IRAK2: variants seen among roughly 807,000 people sequenced by gnomAD.
IRAK2 encodes interleukin-1 receptor-associated kinase-like 2.
A neutral mutation model predicts 72.0 loss-of-function variants in IRAK2; 57 were observed. The observed-to-expected ratio is 0.79, with a 90% CI of 0.64 to 0.99. IRAK2 has a LOEUF of 0.99. Ranked by LOEUF, IRAK2 falls within the 50% of genes least tolerant of loss-of-function variation. The pLI, the probability that IRAK2 is intolerant of heterozygous loss-of-function variation, is 0.00. For synonymous variants in IRAK2, 293 were observed against 312.7 expected (o/e 0.94, Z 0.67); for missense variants, 790 against 794.4 (o/e 0.99, Z 0.07).
chr3:10,169,127 G>T (rs551565103), intron 1 of IRAK2, among the ~76,000 whole-genome samples: 14 of 152,132 alleles, frequency 9.2e-5, no homozygotes, highest in Admixed American at 4.6e-4. Context: ...GATTTCAAAA[G>T]GGGAGGGGTG....
At chr3:10,200,158 G>T (rs965862080) in intron 2 of IRAK2, among the ~76,000 whole-genome samples, 2 of 152,122 alleles carry the variant, frequency 1.3e-5, no homozygotes, top group African/African-American at 4.8e-5. Flanking sequence ...AAAGTGCTGG[G>T]ATTACAGGTG....
At chr3:10,223,359 C>G (rs770737210) in intron 9 of IRAK2, among the ~76,000 whole-genome samples, 126 of 152,190 alleles carry the variant, frequency 8.3e-4, no homozygotes, top group Non-Finnish European at 2.6e-4. Flanking sequence ...CACCACCATC[C>G]TTGTCTGCCA....
intron 3 of IRAK2, among the ~76,000 whole-genome samples, chr3:10,208,790 G>T (rs1697472387): frequency 6.6e-6 from 1 of 151,668 alleles, no homozygotes; most frequent in South Asian, 2.1e-4. Context: ...AAAATCTTTT[G>T]TAGAAACGGG....
rs544147698 is a variant in IRAK2 at position 10,219,742 on chromosome 3, C to T, written c.966C>T (p.Ala322=). The T allele has an allele frequency of 2.0e-5, 33 of 1,613,778 alleles. No individual in the cohort carries two copies. Among genetic ancestry groups the T allele is most frequent in the Admixed American group, 8.3e-5 (5 of 59,986 alleles). The change falls in exon 8 of 13, where the codon GCC becomes GCT. Residue 322 remains alanine (A), a synonymous_variant. Transcript: ENST00000256458. ...RVSICSGLLC[A]VEYLHGLEII... ...GCATCTGCTCAGGGCTGCTCTGTGC[C>T]GTCGAGTACCTGCATGGTCTGGAGA...
At chr3:10,210,120 C>T (rs1280516559) in intron 4 of IRAK2, among the ~76,000 whole-genome samples, 1 of 152,118 alleles carries the variant, frequency 6.6e-6, no homozygotes, top group Non-Finnish European at 1.5e-5. Flanking sequence ...GGGGTCTCAC[C>T]ATGTTGGCCA....
intron 11 of IRAK2, among the ~76,000 whole-genome samples, chr3:10,237,903 C>T (rs909347525): frequency 6.9e-6 from 1 of 145,678 alleles, no homozygotes. Flanking sequence ...ATTGTTATTA[C>T]GGGTATAAGG....
chr3:10,195,153 C>T (rs9863654), intron 2 of IRAK2, among the ~76,000 whole-genome samples: 258 of 152,342 alleles, frequency 1.7e-3, no homozygotes, highest in African/African-American at 5.9e-3. Flanking sequence ...ATCTTCCCCA[C>T]GGGTGGAGCC....
chr3:10,197,950 A>G (rs896098402), intron 2 of IRAK2, among the ~76,000 whole-genome samples: 29 of 151,260 alleles, frequency 1.9e-4, no homozygotes, highest in African/African-American at 6.8e-4. Context: ...CTGTAATCCC[A>G]GCACTTTGGG....
rs530449326 is a variant in IRAK2 at position 10,204,231 on chromosome 3, G to A, written c.424+3716G>A. ...TATTGCTCTTTTTACATTTGAGAAA[G>A]CTCAGATAAGTGAGGCACAGCTCAT... is the stretch of plus-strand genomic sequence containing the variant. On this transcript the variant is annotated intron_variant, in intron 3 of 12. Transcript: ENST00000256458. Among the ~76,000 whole-genome samples, 7 of 152,338 alleles carry A rather than the reference G, an allele frequency of 4.6e-5. No homozygotes were observed. In the South Asian group the frequency reaches 1.2e-3, roughly 27 times the overall value.
intron 6 of IRAK2, among the ~76,000 whole-genome samples, chr3:10,214,391 C>CTTTTTTT (rs534445139): frequency 8.4e-5 from 8 of 95,410 alleles, no homozygotes; most frequent in East Asian, 2.8e-4. Context: ...TCATTTTTTG[C>CTTTTTTT]TTTTTTTTTT....
intron 8 of IRAK2, 60 bp downstream of exon 8, chr3:10,219,849 A>G (rs1255326475): frequency 2.5e-6 from 3 of 1,194,602 alleles, no homozygotes; most frequent in Non-Finnish European, 3.7e-6. Flanking sequence ...ACTGGTGCCT[A>G]TTCCTGGCTC....
At position 10,240,778 on chromosome 3, in the gene IRAK2, T is replaced by C. The variant is rs1698046028; in HGVS notation, c.1766-1338T>C. 4.6e-5 allele frequency among the ~76,000 whole-genome samples: 7 copies of C among 151,332 alleles called. No individual in the cohort carries two copies. In the South Asian group the frequency reaches 1.3e-3, roughly 27 times the overall value. On this transcript the variant is annotated intron_variant, in intron 12 of 12. Coordinates refer to ENST00000256458, the MANE Select transcript of IRAK2 (RefSeq NM_001570.4). ...TTCTCCATGTTGGTCAGGCTGGTCT[T>C]GAACTCCCAACCTCAGGTGATCCGC...
chr3:10,242,006 C>A (rs2125167511), intron 12 of IRAK2, 110 bp from the exon 13 acceptor site: 2 of 533,674 alleles, frequency 3.7e-6, no homozygotes, highest in South Asian at 2.8e-5. Flanking sequence ...AAAAGAAATG[C>A]TCATTACACT....
chr3:10,226,844 G>A (rs1316374160), intron 10 of IRAK2, among the ~76,000 whole-genome samples: 1 of 151,790 alleles, frequency 6.6e-6, no homozygotes, highest in African/African-American at 2.4e-5. Flanking sequence ...TACTCGGGAG[G>A]CTGAGGCAGG....
chr3:10,182,995 C>A (rs1342600326), intron 2 of IRAK2, among the ~76,000 whole-genome samples: 2 of 152,030 alleles, frequency 1.3e-5, no homozygotes, highest in Non-Finnish European at 2.9e-5. Context: ...TATTCTTGAA[C>A]TCCTGGCCTC....
intron 3 of IRAK2, among the ~76,000 whole-genome samples, chr3:10,204,380 C>T (rs1697406779): frequency 6.6e-6 from 1 of 152,152 alleles, no homozygotes; most frequent in African/African-American, 2.4e-5. Flanking sequence ...ACATAGAAGA[C>T]CCCATGTCAG....
chr3:10,206,483 A>G (rs1697435843), intron 3 of IRAK2, among the ~76,000 whole-genome samples: 1 of 152,206 alleles, frequency 6.6e-6, no homozygotes, highest in Admixed American at 6.5e-5. Flanking sequence ...AGGTGATTTC[A>G]TGTTATCAGC....
chr3:10,165,111 G>A, intron 1 of IRAK2, 63 bp downstream of exon 1: 1 of 1,446,614 alleles, frequency 6.9e-7, no homozygotes, highest in Non-Finnish European at 9.5e-7. Flanking sequence ...ATCCCGCCTG[G>A]AGCGGCCGCC....
chr3:10,188,238 G>A (rs115472803), intron 2 of IRAK2, among the ~76,000 whole-genome samples: 2,297 of 152,300 alleles, frequency 0.015, 24 homozygotes, highest in Non-Finnish European at 0.024. Context: ...TCTGGAAACT[G>A]GGTGCACTGG....
Sources: allele counts gnomAD v4.1 joint callset (sites outside exome capture counted in the v4.1 genomes callset), GRCh38; gene constraint gnomAD v4.1.1; transcripts MANE v1.5; gene names NCBI Gene and HGNC (gene_info 2026-07-23, HGNC 2026-07-21).